The following CADM2 variants were observed in gnomAD, a reference collection of about 807,000 sequenced individuals.
The protein encoded by CADM2 is cell adhesion molecule 2, also known as immunoglobulin superfamily member 4D.
A neutral mutation model predicts 49.8 loss-of-function variants in CADM2; 12 were observed. That is an observed-to-expected ratio of 0.24 (90% CI 0.15 to 0.39). The LOEUF (loss-of-function observed/expected upper bound fraction) is 0.39. CADM2 is among the 10% of genes least tolerant of loss of function. The pLI is 1.00. For missense variants in CADM2, 378 were observed against 492.3 expected, an observed-to-expected ratio of 0.77 and a Z score of 2.20; for synonymous variants, 214 against 175.4, an observed-to-expected ratio of 1.22 and a Z score of -1.74.
chr3:85,600,021 G>A (rs1354924846), intron 1 of CADM2, among the ~76,000 whole-genome samples: 1 of 151,924 alleles, frequency 6.6e-6, no homozygotes, highest in African/African-American at 2.4e-5. Context: ...CAAAAATGTA[G>A]CACAAACATC....
At chr3:85,035,768 T>A (rs2035186049) in intron 1 of CADM2, among the ~76,000 whole-genome samples, 1 of 152,180 alleles carries the variant, frequency 6.6e-6, no homozygotes, top group African/African-American at 2.4e-5. Context: ...CTCTGTTCTG[T>A]TCCATTGGTC....
At chr3:85,357,821 A>G (rs1196853765) in intron 1 of CADM2, among the ~76,000 whole-genome samples, 1 of 152,090 alleles carries the variant, frequency 6.6e-6, no homozygotes, top group Non-Finnish European at 1.5e-5. Context: ...TATTAACTAC[A>G]ATGAGGAAGA....
chr3:85,157,172 G>A (rs1236829719), intron 1 of CADM2, among the ~76,000 whole-genome samples: 5 of 152,078 alleles, frequency 3.3e-5, no homozygotes, highest in Non-Finnish European at 7.3e-5. Context: ...ACAAAGCACT[G>A]CTCAAGGAAA....
chr3:86,040,099 A>G (rs1735674314), intron 8 of CADM2, among the ~76,000 whole-genome samples: 1 of 152,196 alleles, frequency 6.6e-6, no homozygotes, highest in African/African-American at 2.4e-5. Context: ...CCATCATCAA[A>G]GACCAAAGGT....
chr3:85,527,193 C>T (rs1424950379), intron 1 of CADM2, among the ~76,000 whole-genome samples: 2 of 151,910 alleles, frequency 1.3e-5, no homozygotes, highest in African/African-American at 4.8e-5. Context: ...TGAGACCAGA[C>T]TGGGAATCTT....
At chr3:86,041,942 C>A (rs978277992) in intron 8 of CADM2, among the ~76,000 whole-genome samples, 8 of 152,188 alleles carry the variant, frequency 5.3e-5, no homozygotes, top group Non-Finnish European at 1.2e-4. Flanking sequence ...AACCGCTCAA[C>A]TACGTGGAAG....
At chr3:85,911,737 G>A (rs1351050240) in intron 5 of CADM2, among the ~76,000 whole-genome samples, 1 of 151,994 alleles carries the variant, frequency 6.6e-6, no homozygotes, top group African/African-American at 2.4e-5. Flanking sequence ...TTATGTTTTA[G>A]TAAAACTTAT....
At chr3:85,948,313 G>T (rs1032160083) in intron 7 of CADM2, among the ~76,000 whole-genome samples, 1 of 151,172 alleles carries the variant, frequency 6.6e-6, no homozygotes, top group African/African-American at 2.4e-5. Flanking sequence ...AATAAGATTT[G>T]CACTTTTTTT....
At chr3:85,926,364 G>A (rs1719876876) in intron 6 of CADM2, among the ~76,000 whole-genome samples, 1 of 152,006 alleles carries the variant, frequency 6.6e-6, no homozygotes, top group East Asian at 1.9e-4. Context: ...CCTCTAACAA[G>A]CAAAAATATC....
At chr3:85,102,829 A>G (rs1215561606) in intron 1 of CADM2, among the ~76,000 whole-genome samples, 2 of 152,132 alleles carry the variant, frequency 1.3e-5, no homozygotes, top group East Asian at 1.9e-4. Context: ...TACCTCCCAT[A>G]GTAGTATATT....
intron 1 of CADM2, among the ~76,000 whole-genome samples, chr3:85,332,300 G>A (rs984908011): frequency 2.0e-5 from 3 of 151,974 alleles, no homozygotes; most frequent in African/African-American, 4.8e-5. Context: ...TAAATATTTT[G>A]TGTTGTCTAA....
chr3:85,425,914 C>T (rs929384438), intron 1 of CADM2, among the ~76,000 whole-genome samples: 2 of 152,126 alleles, frequency 1.3e-5, no homozygotes, highest in African/African-American at 2.4e-5. Flanking sequence ...ACATGATCTA[C>T]AGCTGTGACA....
At chr3:85,957,288 CTAAT>C (rs1724180938) in intron 7 of CADM2, among the ~76,000 whole-genome samples, 1 of 151,582 alleles carries the variant, frequency 6.6e-6, no homozygotes, top group African/African-American at 2.4e-5. Flanking sequence ...ATTTGTCTAT[CTAAT>C]TGAACGATAC....
At chr3:85,033,685 T>A (rs919038828) in intron 1 of CADM2, among the ~76,000 whole-genome samples, 1 of 152,140 alleles carries the variant, frequency 6.6e-6, no homozygotes, top group African/African-American at 2.4e-5. Flanking sequence ...AGGGAAAGAA[T>A]GACAGTTTGA....
intron 1 of CADM2, among the ~76,000 whole-genome samples, chr3:85,226,183 G>A (rs1189698902): frequency 6.6e-6 from 1 of 151,798 alleles, no homozygotes; most frequent in African/African-American, 2.4e-5. Context: ...AATAGTTTCG[G>A]AAGAAATGAT....
At chr3:84,996,019 T>G (rs2033161775) in intron 1 of CADM2, among the ~76,000 whole-genome samples, 1 of 152,184 alleles carries the variant, frequency 6.6e-6, no homozygotes, top group Non-Finnish European at 1.5e-5. Context: ...CAGTTAATTA[T>G]GAGAAATTTG....
At chr3:85,149,481 C>T (rs1047536090) in intron 1 of CADM2, among the ~76,000 whole-genome samples, 2 of 152,152 alleles carry the variant, frequency 1.3e-5, no homozygotes, top group African/African-American at 4.8e-5. Context: ...AATCCCAGCA[C>T]TTTGGGAGGC....
chr3:85,196,927 T>C (rs2041358240), intron 1 of CADM2, among the ~76,000 whole-genome samples: 1 of 151,936 alleles, frequency 6.6e-6, no homozygotes, highest in Non-Finnish European at 1.5e-5. Context: ...AATAAATTAC[T>C]CAAATTAGAA....
chr3:85,308,133 A>C (rs184281344), intron 1 of CADM2, among the ~76,000 whole-genome samples: 1 of 151,968 alleles, frequency 6.6e-6, no homozygotes, highest in African/African-American at 2.4e-5. Flanking sequence ...AAAATTGTGT[A>C]AACATTTGAG....
Sources: allele counts gnomAD v4.1 joint callset (sites outside exome capture counted in the v4.1 genomes callset), GRCh38; gene constraint gnomAD v4.1.1; transcripts MANE v1.5; gene names NCBI Gene and HGNC (gene_info 2026-07-23, HGNC 2026-07-21).